RNASEH2B: variants seen among roughly 807,000 people sequenced by gnomAD.
RNASEH2B encodes the protein ribonuclease H2 subunit B.
Under a neutral mutation model 45.0 loss-of-function variants are expected in RNASEH2B, and 36 were observed. That is an observed-to-expected ratio of 0.80 (90% CI 0.61 to 1.06). RNASEH2B has a LOEUF of 1.06. RNASEH2B is among the 50% of genes least tolerant of loss of function. The pLI is 0.00. For missense variants in RNASEH2B, 361 were observed against 360.3 expected (o/e 1.00, Z -0.02); for synonymous variants, 119 against 125.7 (o/e 0.95, Z 0.35).
chr13:50,926,156 T>A (rs2408216), intron 1 of RNASEH2B, among the ~76,000 whole-genome samples: 1 of 43,920 alleles, frequency 2.3e-5, no homozygotes, highest in African/African-American at 1.0e-4. Context: ...GAAATCTCAA[T>A]TTTTTTTTTC....
chr13:50,955,345 C>T (rs1038135582), intron 10 of RNASEH2B: 1 of 152,140 alleles, frequency 6.6e-6, no homozygotes, highest in South Asian at 2.1e-4. Flanking sequence ...GCCCAAATAG[C>T]GAGTTATCTC....
intron 9 of RNASEH2B, among the ~76,000 whole-genome samples, chr13:50,964,014 A>G (rs1230939633): frequency 6.6e-6 from 1 of 152,196 alleles, no homozygotes; most frequent in Non-Finnish European, 1.5e-5. Context: ...CCTGACCAAC[A>G]TGGAGAAACC....
downstream of RNASEH2B, among the ~76,000 whole-genome samples, chr13:50,958,281 A>AG (rs1273448360): frequency 1.3e-5 from 2 of 152,220 alleles, no homozygotes; most frequent in East Asian, 3.8e-4. Flanking sequence ...GGTGATAGGT[A>AG]GGAGTCCAGT....
chr13:50,929,083 T>C (rs545694244), intron 2 of RNASEH2B, among the ~76,000 whole-genome samples: 1 of 152,244 alleles, frequency 6.6e-6, no homozygotes, highest in East Asian at 1.9e-4. Flanking sequence ...TCAGACCCTG[T>C]GTGGGGAGAG....
intron 3 of RNASEH2B, chr13:50,930,189 A>G (rs934743720): frequency 3.6e-5 from 8 of 223,974 alleles, no homozygotes; most frequent in Non-Finnish European, 7.1e-5. Context: ...AAAGAATCCT[A>G]CATCCCCCTG....
chr13:50,969,853 A>T lies in RNASEH2B; in HGVS notation c.742-79A>T, dbSNP rs958491589. ...CGCCAGCCCTGCGTTCTGTTCTAGGAGCTGCAGATGGTGCTTGGGGTTTCA... is the reference window on the plus strand; with the variant it reads ...CGCCAGCCCTGCGTTCTGTTCTAGGTGCTGCAGATGGTGCTTGGGGTTTCA... On this transcript the variant is annotated intron_variant, in intron 9 of 9. Coordinates refer to the RNASEH2B transcript ENST00000422660. 5.8e-6 allele frequency: 8 copies of T among 1,377,794 alleles called. 1 individual carries two copies. The South Asian group carries it at 1.0e-4, about 17-fold the overall frequency. The allele number at this position is 1,377,794 out of a possible 1,614,324, so 85.3% of individuals were successfully genotyped here. A position where few individuals can be genotyped will look rare whatever the true frequency, so the allele number is the denominator to read the frequency against.
intron 1 of RNASEH2B, chr13:50,915,464 G>A (rs1593445502): frequency 1.5e-5 from 6 of 398,562 alleles, no homozygotes. Context: ...CTCTCCTCTT[G>A]TTACTGCCCA....
chr13:50,938,701 T>A (rs1566084208), intron 5 of RNASEH2B: 1 of 152,236 alleles, frequency 6.6e-6, no homozygotes, highest in African/African-American at 2.4e-5. Flanking sequence ...CCATCACTGT[T>A]CTGACAGGAG....
intron 9 of RNASEH2B, among the ~76,000 whole-genome samples, chr13:50,966,188 AAC>A (rs1490703584): frequency 1.9e-4 from 29 of 152,348 alleles, no homozygotes; most frequent in African/African-American, 6.7e-4. Flanking sequence ...ATACACACAT[AAC>A]ACACATAAAC....
At chr13:50,966,196 TAAAC>T (rs1261718679) in intron 9 of RNASEH2B, among the ~76,000 whole-genome samples, 2 of 152,192 alleles carry the variant, frequency 1.3e-5, no homozygotes, top group African/African-American at 2.4e-5. Context: ...ATAACACACA[TAAAC>T]ACACATATAT....
chr13:50,914,419 A>G (rs765630657), intron 1 of RNASEH2B, among the ~76,000 whole-genome samples: 12 of 152,228 alleles, frequency 7.9e-5, no homozygotes, highest in Non-Finnish European at 1.8e-4. Flanking sequence ...ATTTTAGACA[A>G]CCTCGGAATA....
At chr13:50,952,944 G>A (rs1951995898) in intron 9 of RNASEH2B, 1 of 152,114 alleles carries the variant, frequency 6.6e-6, no homozygotes, top group Non-Finnish European at 1.5e-5. Flanking sequence ...ATGGGCTGTG[G>A]AATCTTTTAG....
intron 7 of RNASEH2B, among the ~76,000 whole-genome samples, chr13:50,945,995 T>C (rs1951896261): frequency 6.6e-6 from 1 of 152,222 alleles, no homozygotes. Context: ...TTTGTGATAC[T>C]GTTCCTGTGG....
exon 10 of RNASEH2B, chr13:50,970,174 C>A: frequency 1.6e-6 from 1 of 626,130 alleles, no homozygotes; most frequent in Non-Finnish European, 2.8e-6. Context: ...CTCAGCTAGG[C>A]GGTTCCGTCC....
At chr13:50,922,665 A>G (rs1393800279) in intron 1 of RNASEH2B, among the ~76,000 whole-genome samples, 1 of 152,248 alleles carries the variant, frequency 6.6e-6, no homozygotes, top group Non-Finnish European at 1.5e-5. Context: ...AAACAGCAAT[A>G]ACAAATCCTG....
chr13:50,956,351 T>G lies in RNASEH2B; in HGVS notation c.823-7T>G. On this transcript the variant is annotated splice_region_variant and splice_polypyrimidine_tract_variant and intron_variant, in intron 10 of 10. Coordinates refer to ENST00000336617, the MANE Select transcript of RNASEH2B (RefSeq NM_024570.4). ...TAACAATTTTTCTCTCTTATTTTCA[T>G]TAACAGAAAAATAGCAAAATGACTG... The G allele has an allele frequency of 6.3e-7, 1 of 1,586,540 alleles. No individual in the cohort carries two copies. The highest frequency in any genetic ancestry group is 8.6e-7 in the Non-Finnish European group (1 of 1,161,304).
chr13:50,921,461 AAGAC>A (rs1951523926), intron 1 of RNASEH2B: 1 of 152,214 alleles, frequency 6.6e-6, no homozygotes, highest in Non-Finnish European at 1.5e-5. Flanking sequence ...ATGCAAGTAA[AAGAC>A]AGCAGAAGTT....
At chr13:50,915,818 T>A (rs1879709957) in intron 1 of RNASEH2B, among the ~76,000 whole-genome samples, 1 of 152,258 alleles carries the variant, frequency 6.6e-6, no homozygotes, top group Non-Finnish European at 1.5e-5. Context: ...TTCTAGTCCC[T>A]GTTTCATTAT....
At chr13:50,959,912 A>G (rs1952093776), downstream of RNASEH2B, 2 of 293,802 alleles carry the variant, frequency 6.8e-6, no homozygotes, top group South Asian at 1.6e-4. Flanking sequence ...GTAAGTTCCA[A>G]TGGGATTTTT....
Sources: gnomAD v4.1 joint callset for allele counts (sites outside exome capture counted in the v4.1 genomes callset) on GRCh38, gnomAD v4.1.1 for gene constraint, MANE v1.5 for transcripts, NCBI Gene and HGNC (gene_info 2026-07-23, HGNC 2026-07-21) for gene names.